CFAP77: variants seen among roughly 807,000 people sequenced by gnomAD.
CFAP77 encodes the protein cilia- and flagella-associated protein 77.
In CFAP77, 25 loss-of-function variants were observed where a neutral mutation model predicts 31.1. That is an observed-to-expected ratio of 0.80 (90% CI 0.59 to 1.12). The LOEUF (loss-of-function observed/expected upper bound fraction) is 1.12, where lower values mean the gene tolerates loss of function less well. CFAP77 is among the 50% of genes most tolerant of loss of function. The pLI is 0.00. For synonymous variants in CFAP77, 151 were observed against 159.9 expected, an observed-to-expected ratio of 0.94 and a Z score of 0.42; for missense variants, 377 against 397.3, an observed-to-expected ratio of 0.95 and a Z score of 0.44.
In CFAP77 at chr9:132,565,214, G is replaced by A. The variant is rs1335100436; in HGVS notation, c.733-7174G>A. The stretch of plus-strand genomic sequence containing the variant: ...AGCAATGGCTCGCTTTCATTTCCTG[G>A]AATTCACCCCCATTCCTCCTTTGCC... On this transcript the variant is annotated intron_variant, in intron 5 of 5. Coordinates refer to ENST00000393216, the MANE Select transcript of CFAP77 (RefSeq NM_001282957.2). This position sits in a 1 kb window ranked among gnomAD's most constrained non-coding sequence, Gnocchi z 4.1. Among the ~76,000 whole-genome samples, 1 of 151,570 alleles carries A rather than the reference G, an allele frequency of 6.6e-6. No homozygotes were observed.
intron 1 of CFAP77, among the ~76,000 whole-genome samples, chr9:132,422,062 G>A (rs1247130103): frequency 6.6e-6 from 1 of 151,822 alleles, no homozygotes; most frequent in South Asian, 2.1e-4. Context: ...AGGCTGGAGT[G>A]CAATGGCACA....
At position 132,544,236 on chromosome 9, in the gene CFAP77, C is replaced by T. The variant is rs577852199; in HGVS notation, c.732+1189C>T. ...GTCAATGACCATGCGCCCTGCCGCC[C>T]GTCAGTGCGCTGCCTCCGTGCACAG... On this transcript the variant is annotated intron_variant, in intron 5 of 5. Transcript: ENST00000393216. 4.6e-5 allele frequency among the ~76,000 whole-genome samples: 7 copies of T among 152,320 alleles called. No individual in the cohort carries two copies. The South Asian group carries it at 8.3e-4, about 18-fold the overall frequency.
At chr9:132,515,378 G>A (rs1852128108) in intron 3 of CFAP77, among the ~76,000 whole-genome samples, 1 of 152,172 alleles carries the variant, frequency 6.6e-6, no homozygotes, top group Non-Finnish European at 1.5e-5. Flanking sequence ...AGGGCTGCAG[G>A]AGGACTCTGG....
At chr9:132,485,470 A>G (rs1851525141) in intron 1 of CFAP77, among the ~76,000 whole-genome samples, 2 of 152,164 alleles carry the variant, frequency 1.3e-5, no homozygotes, top group Admixed American at 6.5e-5. Flanking sequence ...TCACGTCCCA[A>G]TCATGCGCCA....
chr9:132,470,977 C>CA (rs1261944888), intron 1 of CFAP77, among the ~76,000 whole-genome samples: 3 of 152,266 alleles, frequency 2.0e-5, no homozygotes, highest in African/African-American at 4.8e-5. Flanking sequence ...GACTCTGTTT[C>CA]AAAAAATTTT....
chr9:132,459,072 A>AT (rs1158796525), intron 1 of CFAP77, among the ~76,000 whole-genome samples: 9,522 of 104,442 alleles, frequency 0.091, 346 homozygotes, highest in Middle Eastern at 0.16. Context: ...CCCTGAAACT[A>AT]TTTTTTTTTT....
At chr9:132,473,165 G>C (rs1851288745) in intron 1 of CFAP77, among the ~76,000 whole-genome samples, 2 of 152,118 alleles carry the variant, frequency 1.3e-5, no homozygotes, top group Admixed American at 6.6e-5. Flanking sequence ...CTAACAGAGT[G>C]AGAACTCGTT....
chr9:132,533,975 A>G (rs1054738870), intron 3 of CFAP77, among the ~76,000 whole-genome samples: 1 of 152,354 alleles, frequency 6.6e-6, no homozygotes, highest in Admixed American at 6.5e-5. Context: ...TTTTCCCCGA[A>G]CATGTTTGGT....
chr9:132,420,666 CAAAAA>C (rs11414328), intron 1 of CFAP77, among the ~76,000 whole-genome samples: 1 of 127,948 alleles, frequency 7.8e-6, no homozygotes, highest in Non-Finnish European at 1.7e-5. Context: ...GACTCTGTCT[CAAAAA>C]AAAAAAAAAG....
intron 1 of CFAP77, among the ~76,000 whole-genome samples, chr9:132,479,366 A>G (rs531360353): frequency 6.6e-6 from 1 of 152,222 alleles, no homozygotes; most frequent in South Asian, 2.1e-4. Flanking sequence ...ACCATCGTGC[A>G]TCCCATCCTC....
chr9:132,493,583 G>A (rs1851685918), intron 1 of CFAP77, among the ~76,000 whole-genome samples: 1 of 152,218 alleles, frequency 6.6e-6, no homozygotes, highest in Admixed American at 6.5e-5. Flanking sequence ...CAGGTATGGT[G>A]TGAAGGGTAC....
intron 5 of CFAP77, among the ~76,000 whole-genome samples, chr9:132,550,930 G>T (rs994582046): frequency 1.3e-5 from 2 of 152,148 alleles, no homozygotes; most frequent in Non-Finnish European, 2.9e-5. Context: ...AAAAGTGCAG[G>T]TGAAATGGAC....
At chr9:132,420,159 C>CAA (rs11302054) in intron 1 of CFAP77, among the ~76,000 whole-genome samples, 2 of 135,100 alleles carry the variant, frequency 1.5e-5, no homozygotes, top group African/African-American at 5.6e-5. Flanking sequence ...AGACCTTGAC[C>CAA]AAAAAAAAAA....
chr9:132,430,296 G>T (rs1850391393), intron 1 of CFAP77, among the ~76,000 whole-genome samples: 1 of 151,890 alleles, frequency 6.6e-6, no homozygotes, highest in African/African-American at 2.4e-5. Flanking sequence ...TGGGATGGGG[G>T]GAGAAAAAGT....
chr9:132,483,554 C>G (rs530190883), intron 1 of CFAP77, among the ~76,000 whole-genome samples: 1 of 152,194 alleles, frequency 6.6e-6, no homozygotes, highest in African/African-American at 2.4e-5. Flanking sequence ...CTCCTTCCCC[C>G]ACCACAGCCT....
chr9:132,416,331 T>A (rs1850096619), intron 1 of CFAP77, among the ~76,000 whole-genome samples: 1 of 106,672 alleles, frequency 9.4e-6, no homozygotes, highest in African/African-American at 5.0e-5. Flanking sequence ...CTTATCTGAT[T>A]TTTTTTTTTT....
intron 1 of CFAP77, among the ~76,000 whole-genome samples, chr9:132,425,838 A>G (rs1278415037): frequency 6.6e-6 from 1 of 152,246 alleles, no homozygotes; most frequent in East Asian, 1.9e-4. Context: ...TGTTAGAACT[A>G]GTAATTACAG....
chr9:132,494,079 T>A (rs945822130), intron 1 of CFAP77, among the ~76,000 whole-genome samples: 1 of 152,170 alleles, frequency 6.6e-6, no homozygotes, highest in Non-Finnish European at 1.5e-5. Context: ...ACCCAGCTAA[T>A]TTTTACATTT....
chr9:132,468,155 C>G (rs957743838), intron 1 of CFAP77, among the ~76,000 whole-genome samples: 13 of 152,018 alleles, frequency 8.6e-5, no homozygotes, highest in Non-Finnish European at 1.9e-4. Flanking sequence ...CCAGCCTGGT[C>G]AACATGGCGA....
Sources: allele counts gnomAD v4.1 joint callset (sites outside exome capture counted in the v4.1 genomes callset), GRCh38; gene constraint gnomAD v4.1.1; non-coding constraint Gnocchi (gnomAD v3.1); transcripts MANE v1.5; gene names NCBI Gene and HGNC (gene_info 2026-07-23, HGNC 2026-07-21).